Variants in USP13 observed in about 807,000 individuals in gnomAD.
USP13 encodes ubiquitin specific peptidase 13.
A neutral mutation model predicts 107.8 loss-of-function variants in USP13; 68 were observed. The observed-to-expected ratio is 0.63, with a 90% CI of 0.52 to 0.77. The LOEUF (loss-of-function observed/expected upper bound fraction) is 0.77. Among genes scored for constraint, USP13 ranks in the 30% least tolerant of loss-of-function variants. The pLI, the probability that USP13 is intolerant of heterozygous loss-of-function variation, is 0.00. For missense variants in USP13, 945 were observed against 1,093.3 expected (o/e 0.86, Z 1.91); for synonymous variants, 377 against 389.5 (o/e 0.97, Z 0.38).
rs913842703 is a variant in USP13 at position 179,653,587 on chromosome 3, G to C, written c.168+194G>C. The C allele has an allele frequency of 1.1e-5, 9 of 787,906 alleles. No individual in the cohort carries two copies. In the African/African-American group the frequency reaches 1.6e-4, roughly 14 times the overall value. 48.8% of individuals were successfully genotyped at this position (787,906 alleles called of 1,614,324 possible). A position where few individuals can be genotyped will look rare whatever the true frequency, so the allele number is the denominator to read the frequency against. The stretch of plus-strand genomic sequence containing the variant: ...CTGCAGCCGAGGACTGGCTCGTGCT[G>C]GTGGTTTTGCTCCGCCAGCCTCCCC... On this transcript the variant is annotated intron_variant, in intron 1 of 20. Coordinates refer to ENST00000263966, the MANE Select transcript of USP13 (RefSeq NM_003940.3). This position sits in a 1 kb window ranked among gnomAD's most constrained non-coding sequence, Gnocchi z 4.0.
intron 3 of USP13, among the ~76,000 whole-genome samples, chr3:179,700,670 C>A (rs1712485671): frequency 6.6e-6 from 1 of 152,104 alleles, no homozygotes; most frequent in South Asian, 2.1e-4. Context: ...ATTACCAATC[C>A]TTGCCTTTTT....
intron 20 of USP13, among the ~76,000 whole-genome samples, chr3:179,782,077 C>G (rs1715768531): frequency 6.6e-6 from 1 of 151,894 alleles, no homozygotes; most frequent in Non-Finnish European, 1.5e-5. Context: ...CCAAGGTGAC[C>G]TCCCAAAATA....
chr3:179,728,404 C>G (rs1175708891), intron 8 of USP13, among the ~76,000 whole-genome samples: 1 of 149,972 alleles, frequency 6.7e-6, no homozygotes, highest in African/African-American at 2.4e-5. Flanking sequence ...CAGAGACGCT[C>G]CTCACTTCCC....
chr3:179,653,243 C>G lies in USP13; in HGVS notation c.18C>G (p.Ala6=). The stretch of plus-strand genomic sequence containing the variant: ...CCGAGGCCATGCAGCGCCGGGGCGC[C>G]CTGTTCGGCATGCCGGGCGGCAGCG... MQRRG[A]LFGMPGGSGG... Residue 6 remains alanine, a synonymous_variant, in exon 1 of 21, where the codon GCC becomes GCG. Transcript: ENST00000263966. The surrounding 1 kb of genome is among the most constrained non-coding windows in gnomAD (Gnocchi z 4.0). 6.4e-7 allele frequency: 1 copy of G among 1,552,224 alleles called. No individual in the cohort carries two copies. The highest frequency in any genetic ancestry group is 8.7e-7 in the Non-Finnish European group (1 of 1,148,856).
intron 6 of USP13, among the ~76,000 whole-genome samples, chr3:179,718,008 C>T (rs1299491429): frequency 6.6e-6 from 1 of 152,076 alleles, no homozygotes; most frequent in African/African-American, 2.4e-5. Flanking sequence ...GGGTATGGGA[C>T]AGAAGGTCAC....
In USP13 at chr3:179,742,119, G is replaced by A; in HGVS notation, c.1381-78G>A. 1.9e-6 allele frequency: 3 copies of A among 1,570,542 alleles called. No homozygotes were observed. The highest frequency in any genetic ancestry group is 3.4e-5 in the Admixed American group (2 of 58,840). On this transcript the variant is annotated intron_variant, in intron 11 of 20. Coordinates refer to ENST00000263966, the MANE Select transcript of USP13 (RefSeq NM_003940.3). The surrounding 1 kb of genome is among the most constrained non-coding windows in gnomAD (Gnocchi z 5.0). Reference sequence around the variant, plus strand: ...TAATAAAGCCAAGTGTTTACACCGGGTTTAGAGTTCATTTTCTACTAAGTC... The same window carrying A: ...TAATAAAGCCAAGTGTTTACACCGGATTTAGAGTTCATTTTCTACTAAGTC...
intron 1 of USP13, among the ~76,000 whole-genome samples, chr3:179,662,368 A>T (rs1576907606): frequency 6.6e-6 from 1 of 152,278 alleles, no homozygotes; most frequent in African/African-American, 2.4e-5. Flanking sequence ...ACTTCACCCC[A>T]TCTTCCAGAG....
At chr3:179,751,354 C>G (rs567279810) in intron 13 of USP13, among the ~76,000 whole-genome samples, 39 of 152,220 alleles carry the variant, frequency 2.6e-4, no homozygotes, top group African/African-American at 8.9e-4. Context: ...GATACTTATC[C>G]CATAATATGT....
intron 10 of USP13, among the ~76,000 whole-genome samples, chr3:179,734,986 T>C (rs928594139): frequency 3.9e-5 from 6 of 152,230 alleles, no homozygotes; most frequent in African/African-American, 1.4e-4. Context: ...CAGAAAGTCC[T>C]GTGTAAGCAT....
chr3:179,699,626 G>A (rs1712438212), intron 3 of USP13, among the ~76,000 whole-genome samples: 1 of 148,714 alleles, frequency 6.7e-6, no homozygotes, highest in Non-Finnish European at 1.5e-5. Flanking sequence ...CTAGAGCTTG[G>A]GAGTTTGATG....
At chr3:179,720,732 CCTTG>C (rs1713280671) in intron 7 of USP13, among the ~76,000 whole-genome samples, 1 of 151,952 alleles carries the variant, frequency 6.6e-6, no homozygotes, top group African/African-American at 2.4e-5. Context: ...AATTTAGTCT[CCTTG>C]CTTCTTTTTT....
intron 19 of USP13, among the ~76,000 whole-genome samples, chr3:179,778,007 C>T (rs979825527): frequency 2.0e-5 from 3 of 151,986 alleles, no homozygotes; most frequent in Non-Finnish European, 4.4e-5. Flanking sequence ...ATCACTGTTT[C>T]AAAAATAAAT....
At chr3:179,734,120 C>G (rs1713903339) in intron 10 of USP13, among the ~76,000 whole-genome samples, 1 of 152,078 alleles carries the variant, frequency 6.6e-6, no homozygotes, top group African/African-American at 2.4e-5. Flanking sequence ...TATATACTTC[C>G]CAGTATTAAA....
intron 1 of USP13, among the ~76,000 whole-genome samples, chr3:179,672,709 C>T (rs990245044): frequency 1.1e-4 from 16 of 152,172 alleles, no homozygotes; most frequent in African/African-American, 1.9e-4. Flanking sequence ...CCTCTGAACC[C>T]GGCCAGTGCT....
intron 13 of USP13, among the ~76,000 whole-genome samples, chr3:179,750,322 G>GTT (rs1560073884): frequency 2.3e-5 from 1 of 43,932 alleles, no homozygotes; most frequent in East Asian, 1.2e-3. Context: ...ATATATATAT[G>GTT]TGTGTATATA....
In USP13 at chr3:179,653,433, GCCT is replaced by G; in HGVS notation, c.168+41_168+43del. The G allele has an allele frequency of 6.5e-7, 1 of 1,535,348 alleles. No individual in the cohort carries two copies. Among genetic ancestry groups the G allele is most frequent in the African/African-American group, 1.4e-5 (1 of 72,364 alleles). On this transcript the variant is annotated intron_variant, in intron 1 of 20. Coordinates refer to ENST00000263966, the MANE Select transcript of USP13 (RefSeq NM_003940.3). This position sits in a 1 kb window ranked among gnomAD's most constrained non-coding sequence, Gnocchi z 4.0. ...TCGGGGGAGGGTCGCGGGGCCGGCG[GCCT>G]GCGGCACGTGAAGCCGGGGGAGAAG...
rs572746005 is a variant in USP13 at position 179,653,153 on chromosome 3, G to GCGC, written c.-61_-59dup. Reference sequence around the variant, plus strand: ...AGCCCGCCCGTCAGCCCGCTCGCTGGCGCCGCCGCCGCCGGCAGACCCCGC... The same window carrying GCGC: ...AGCCCGCCCGTCAGCCCGCTCGCTGGCGCCGCCGCCGCCGCCGGCAGACCCCGC... On this transcript the variant is annotated 5_prime_UTR_variant, in exon 1 of 21. Coordinates refer to ENST00000263966, the MANE Select transcript of USP13 (RefSeq NM_003940.3). The surrounding 1 kb of genome is among the most constrained non-coding windows in gnomAD (Gnocchi z 4.0). 914 of 1,058,880 alleles carry GCGC rather than the reference G, an allele frequency of 8.6e-4. 8 individuals carry two copies. In the African/African-American group the frequency reaches 0.014, roughly 16 times the overall value. 65.6% of individuals were successfully genotyped at this position (1,058,880 alleles called of 1,614,324 possible). A position where few individuals can be genotyped will look rare whatever the true frequency, so the allele number is the denominator to read the frequency against.
In USP13 at chr3:179,776,051, C is replaced by A. The variant is rs528859469; in HGVS notation, c.2414-5688C>A. Among the ~76,000 whole-genome samples the A allele has an allele frequency of 6.6e-5, 10 of 152,272 alleles. No homozygotes were observed. The South Asian group carries it at 2.1e-3, about 32-fold the overall frequency. On this transcript the variant is annotated intron_variant, in intron 19 of 20. Transcript: ENST00000263966. ...ACGTTGTCACCTCTCACCACCAGGT[C>A]CCACCTCCAACATTGGGGGTCACAT...
At chr3:179,738,053 A>G (rs1714055241) in intron 10 of USP13, among the ~76,000 whole-genome samples, 1 of 152,166 alleles carries the variant, frequency 6.6e-6, no homozygotes, top group Non-Finnish European at 1.5e-5. Flanking sequence ...GTTGCATATG[A>G]CTGTGATTCT....
Sources: allele counts gnomAD v4.1 joint callset (sites outside exome capture counted in the v4.1 genomes callset), GRCh38; gene constraint gnomAD v4.1.1; non-coding constraint Gnocchi (gnomAD v3.1); transcripts MANE v1.5; gene names NCBI Gene and HGNC (gene_info 2026-07-23, HGNC 2026-07-21).